Variants in SLC30A9 observed in about 807,000 individuals in gnomAD.
SLC30A9 encodes the protein solute carrier family 30 member 9.
In SLC30A9, 58 loss-of-function variants were observed where a neutral mutation model predicts 87.5. That is an observed-to-expected ratio of 0.66 (90% CI 0.54 to 0.82). SLC30A9 has a LOEUF of 0.82. Among genes scored for constraint, SLC30A9 ranks in the 40% least tolerant of loss-of-function variants. The probability of loss-of-function intolerance (pLI) is 0.00; values close to 1 mark genes in which losing one functional copy is unlikely to be tolerated. For missense variants in SLC30A9, 557 were observed against 679.1 expected, an observed-to-expected ratio of 0.82 and a Z score of 2.00; for synonymous variants, 234 against 233.0, an observed-to-expected ratio of 1.00 and a Z score of -0.04.
chr4:42,061,076 T>A (rs1717828547), intron 10 of SLC30A9, among the ~76,000 whole-genome samples: 1 of 152,198 alleles, frequency 6.6e-6, no homozygotes, highest in African/African-American at 2.4e-5. Context: ...ATGGCCAGTT[T>A]TATGTACAAA....
intron 9 of SLC30A9, among the ~76,000 whole-genome samples, chr4:42,054,082 C>T (rs893430327): frequency 2.0e-5 from 3 of 152,206 alleles, no homozygotes; most frequent in African/African-American, 4.8e-5. Context: ...GGGCCAGGTA[C>T]GGTGGCTCAT....
chr4:42,054,174 G>T (rs1560552984), intron 9 of SLC30A9, among the ~76,000 whole-genome samples: 1 of 152,082 alleles, frequency 6.6e-6, no homozygotes, highest in Non-Finnish European at 1.5e-5. Flanking sequence ...GGCCAATACG[G>T]TGAAACCCGC....
At position 42,021,946 on chromosome 4, in the gene SLC30A9, T is replaced by A. The variant is rs1340497732; in HGVS notation, c.435-892T>A. ...TTTTTTTTTTTTTTTTTTTTTTTTTTGAGACGGAGTCTCGCTCTGTTGCCC... is the reference window on the plus strand; with the variant it reads ...TTTTTTTTTTTTTTTTTTTTTTTTTAGAGACGGAGTCTCGCTCTGTTGCCC... On this transcript the variant is annotated intron_variant, in intron 4 of 17. Transcript: ENST00000264451. Among the ~76,000 whole-genome samples, 242 of 56,022 alleles carry A rather than the reference T, an allele frequency of 4.3e-3. 2 individuals carry two copies. Among genetic ancestry groups the A allele is most frequent in the Middle Eastern group, 0.017 (2 of 118 alleles). The allele number at this position is 56,022 out of a possible 152,430, so 36.8% of individuals were successfully genotyped here.
At chr4:42,011,740 A>G (rs1302021705) in intron 2 of SLC30A9, among the ~76,000 whole-genome samples, 1 of 152,238 alleles carries the variant, frequency 6.6e-6, no homozygotes, top group Non-Finnish European at 1.5e-5. Context: ...TAATGTTCTC[A>G]AAAGGTTAAA....
intron 2 of SLC30A9, among the ~76,000 whole-genome samples, chr4:42,012,181 A>G (rs1409718049): frequency 1.3e-5 from 2 of 152,210 alleles, no homozygotes; most frequent in African/African-American, 4.8e-5. Flanking sequence ...CCACAGATTT[A>G]AAAACCAAAA....
chr4:42,085,679 C>A (rs1354354663), intron 17 of SLC30A9, among the ~76,000 whole-genome samples: 1 of 152,140 alleles, frequency 6.6e-6, no homozygotes, highest in Admixed American at 6.5e-5. Flanking sequence ...TAGCACAGGG[C>A]CCGGCCCAAG....
chr4:42,023,498 C>T, intron 6 of SLC30A9, 114 bp downstream of exon 6: 1 of 608,894 alleles, frequency 1.6e-6, no homozygotes, highest in Admixed American at 3.0e-5. Flanking sequence ...TCTGTTGCTT[C>T]CAGCAAATGC....
At chr4:42,070,036 A>C (rs568860131) in intron 14 of SLC30A9, among the ~76,000 whole-genome samples, 1 of 152,220 alleles carries the variant, frequency 6.6e-6, no homozygotes, top group East Asian at 1.9e-4. Context: ...TACTAGCTAT[A>C]TATCATCCTT....
At chr4:42,062,896 G>A (rs546382611) in intron 10 of SLC30A9, 90 bp from the exon 11 acceptor site, 114 of 1,037,312 alleles carry the variant, frequency 1.1e-4, no homozygotes, top group Non-Finnish European at 1.4e-4. Flanking sequence ...TCTTGATATT[G>A]TTAGTCTTTT....
At chr4:42,038,588 A>G (rs900827897) in intron 7 of SLC30A9, among the ~76,000 whole-genome samples, 3 of 152,238 alleles carry the variant, frequency 2.0e-5, no homozygotes, top group Admixed American at 6.5e-5. Flanking sequence ...CACATGGACA[A>G]GGTTTATCCC....
intron 2 of SLC30A9, among the ~76,000 whole-genome samples, chr4:42,003,316 T>C (rs969458774): frequency 6.6e-6 from 1 of 152,190 alleles, no homozygotes; most frequent in Non-Finnish European, 1.5e-5. Flanking sequence ...GTGGTGTTTA[T>C]ACACATCAAT....
intron 4 of SLC30A9, 34 bp downstream of exon 4, chr4:42,020,549 A>G: frequency 9.3e-7 from 1 of 1,077,368 alleles, no homozygotes; most frequent in Non-Finnish European, 1.4e-6. Context: ...CGTGTGTCAT[A>G]TCTAAATAAT....
chr4:42,080,478 T>C (rs1718710189), intron 17 of SLC30A9, among the ~76,000 whole-genome samples: 1 of 152,226 alleles, frequency 6.6e-6, no homozygotes, highest in Non-Finnish European at 1.5e-5. Context: ...ATTACTCTCC[T>C]GGCAATGAAG....
intron 8 of SLC30A9, among the ~76,000 whole-genome samples, chr4:42,048,690 G>C (rs1046422192): frequency 6.6e-6 from 1 of 152,148 alleles, no homozygotes; most frequent in African/African-American, 2.4e-5. Flanking sequence ...TTTCACTGAA[G>C]TCTTGCCTTT....
intron 17 of SLC30A9, 44 bp from the exon 18 acceptor site, chr4:42,086,038 T>C (rs779033504): frequency 9.2e-7 from 1 of 1,083,866 alleles, no homozygotes; most frequent in East Asian, 2.9e-5. Flanking sequence ...AGAAACAAGA[T>C]TTTATTTTGC....
At chr4:42,044,457 C>T (rs1385517033) in intron 8 of SLC30A9, among the ~76,000 whole-genome samples, 2 of 147,002 alleles carry the variant, frequency 1.4e-5, no homozygotes, top group Non-Finnish European at 3.0e-5. Context: ...CGACAAAGAT[C>T]AAAAAAGACA....
intron 4 of SLC30A9, among the ~76,000 whole-genome samples, chr4:42,021,947 GA>G (rs1715970457): frequency 4.1e-4 from 1 of 2,450 alleles, no homozygotes; most frequent in Non-Finnish European, 1.9e-3. Context: ...TTTTTTTTTT[GA>G]GACGGAGTCT....
In SLC30A9 at chr4:42,090,184, C is replaced by T. The variant is rs1016089679; in HGVS notation, c.*4058C>T. 1.3e-4 allele frequency: 20 copies of T among 152,274 alleles called. 1 individual carries two copies. The highest frequency in any genetic ancestry group is 4.8e-4 in the African/African-American group (20 of 41,548). The allele number at this position is 152,274 out of a possible 1,614,324, so 9.4% of individuals were successfully genotyped here. On this transcript the variant is annotated 3_prime_UTR_variant, in exon 18 of 18. Transcript: ENST00000264451. ...GTCAGAAGTCAGTGAAGCAAAGAAT[C>T]GAAGGTAAAATGTTGATTCAAAGAT... is the stretch of plus-strand genomic sequence containing the variant.
intron 9 of SLC30A9, among the ~76,000 whole-genome samples, chr4:42,055,997 A>G (rs1163279257): frequency 1.3e-5 from 2 of 152,200 alleles, no homozygotes; most frequent in Non-Finnish European, 2.9e-5. Flanking sequence ...AAATGTGTAG[A>G]AAAAGGTCTG....
Sources: gnomAD v4.1 joint callset for allele counts (sites outside exome capture counted in the v4.1 genomes callset) on GRCh38, gnomAD v4.1.1 for gene constraint, MANE v1.5 for transcripts, NCBI Gene and HGNC (gene_info 2026-07-23, HGNC 2026-07-21) for gene names.